UPP2: variants seen among roughly 807,000 people sequenced by gnomAD.
UPP2 encodes UPase 2.
A neutral mutation model predicts 26.7 loss-of-function variants in UPP2; 23 were observed. That is an observed-to-expected ratio of 0.86 (90% confidence interval 0.62 to 1.22). The LOEUF is 1.22. Among genes scored for constraint, UPP2 ranks in the 50% most tolerant of loss-of-function variants. The pLI, the probability that UPP2 is intolerant of heterozygous loss-of-function variation, is 0.00. For synonymous variants in UPP2, 127 were observed against 141.3 expected (o/e 0.90, Z 0.72); for missense variants, 387 against 396.7 (o/e 0.98, Z 0.21).
chr2:158,041,731 G>C (rs976496830), intron 3 of UPP2, among the ~76,000 whole-genome samples: 1 of 152,176 alleles, frequency 6.6e-6, no homozygotes, highest in African/African-American at 2.4e-5. Context: ...ATTAATTAGT[G>C]AATCTTTTTC....
At chr2:158,051,223 C>A (rs1284244954) in intron 3 of UPP2, among the ~76,000 whole-genome samples, 2 of 144,874 alleles carry the variant, frequency 1.4e-5, no homozygotes, top group African/African-American at 5.1e-5. Flanking sequence ...TCTTTCATTT[C>A]ATAACAACGC....
intron 3 of UPP2, among the ~76,000 whole-genome samples, chr2:158,034,424 A>G (rs144520237): frequency 4.6e-5 from 7 of 152,294 alleles, no homozygotes; most frequent in Non-Finnish European, 7.4e-5. Context: ...GAGAGAAGGA[A>G]ACCGTCCAGC....
intron 3 of UPP2, among the ~76,000 whole-genome samples, chr2:158,095,625 C>T (rs1330097691): frequency 6.6e-6 from 1 of 152,198 alleles, no homozygotes; most frequent in East Asian, 1.9e-4. Context: ...GATTTAACCT[C>T]TCTAGGCTTC....
chr2:158,006,320 T>C (rs775493457), intron 2 of UPP2, among the ~76,000 whole-genome samples: 6 of 151,882 alleles, frequency 4.0e-5, no homozygotes, highest in Non-Finnish European at 8.8e-5. Context: ...ATATAAAAAA[T>C]TAGCCGGGCG....
intron 3 of UPP2, among the ~76,000 whole-genome samples, chr2:158,089,820 C>T (rs115017752): frequency 0.014 from 2,097 of 152,246 alleles, 57 homozygotes; most frequent in African/African-American, 0.048. Flanking sequence ...CAGAATATCC[C>T]CCTTTCACAT....
chr2:158,113,143 T>G (rs2105220163), intron 2 of UPP2, among the ~76,000 whole-genome samples: 1 of 152,272 alleles, frequency 6.6e-6, no homozygotes, highest in South Asian at 2.1e-4. Flanking sequence ...TCTTTATGTC[T>G]CCAGAAATAT....
At chr2:158,038,734 C>T (rs753448963) in intron 3 of UPP2, among the ~76,000 whole-genome samples, 32 of 152,142 alleles carry the variant, frequency 2.1e-4, no homozygotes, top group Non-Finnish European at 4.0e-4. Flanking sequence ...TCCTGACCTC[C>T]CAAAAGACAT....
chr2:158,107,883 A>G (rs959632239), intron 2 of UPP2, among the ~76,000 whole-genome samples: 1 of 152,026 alleles, frequency 6.6e-6, no homozygotes, highest in Non-Finnish European at 1.5e-5. Flanking sequence ...TGTCTTCTCA[A>G]TGTAACCTCT....
At chr2:158,121,198 T>C (rs1183223218) in intron 4 of UPP2, among the ~76,000 whole-genome samples, 2 of 151,950 alleles carry the variant, frequency 1.3e-5, no homozygotes, top group African/African-American at 4.8e-5. Context: ...CTAAACCCCA[T>C]CACATTGTAA....
At chr2:158,082,960 C>T (rs894251665) in intron 3 of UPP2, among the ~76,000 whole-genome samples, 5 of 151,940 alleles carry the variant, frequency 3.3e-5, no homozygotes, top group African/African-American at 1.2e-4. Flanking sequence ...AAAGAAAGCT[C>T]ATCATCACTG....
chr2:158,069,393 T>C (rs552175698), intron 3 of UPP2, among the ~76,000 whole-genome samples: 1 of 152,224 alleles, frequency 6.6e-6, no homozygotes, highest in Non-Finnish European at 1.5e-5. Context: ...TGCTCTCTGA[T>C]TCCAGTGAGC....
At chr2:158,035,933 A>G (rs1683993428) in intron 3 of UPP2, among the ~76,000 whole-genome samples, 1 of 152,184 alleles carries the variant, frequency 6.6e-6, no homozygotes, top group Admixed American at 6.5e-5. Flanking sequence ...TTAAACATAC[A>G]TTAGTGTTTT....
At chr2:158,099,573 C>A (rs573808163), upstream of UPP2, among the ~76,000 whole-genome samples, 1 of 152,164 alleles carries the variant, frequency 6.6e-6, no homozygotes, top group African/African-American at 2.4e-5. Flanking sequence ...CCAATACAAC[C>A]TTTGCTGATA....
chr2:158,086,391 G>A (rs1011571977), intron 3 of UPP2, among the ~76,000 whole-genome samples: 2 of 151,804 alleles, frequency 1.3e-5, no homozygotes, highest in South Asian at 4.2e-4. Context: ...TTCTTTTCTT[G>A]TTTCATCTCA....
chr2:158,029,912 C>T (rs1352867675), intron 3 of UPP2, among the ~76,000 whole-genome samples: 1 of 151,754 alleles, frequency 6.6e-6, no homozygotes, highest in East Asian at 1.9e-4. Context: ...TTTTAGAAAG[C>T]AGGCATGGCA....
intron 3 of UPP2, among the ~76,000 whole-genome samples, chr2:158,029,245 G>A (rs568981226): frequency 6.6e-6 from 1 of 152,260 alleles, no homozygotes; most frequent in African/African-American, 2.4e-5. Flanking sequence ...ACTGTTCTAA[G>A]ATCAAAGCAG....
At chr2:158,044,274 G>T (rs1489682135) in intron 3 of UPP2, among the ~76,000 whole-genome samples, 3 of 152,174 alleles carry the variant, frequency 2.0e-5, no homozygotes, top group Non-Finnish European at 4.4e-5. Context: ...ATGTAGGCCT[G>T]CCTAGAGTAC....
intron 3 of UPP2, 62 bp downstream of exon 3, chr2:158,115,321 T>C: frequency 3.3e-6 from 5 of 1,505,292 alleles, no homozygotes; most frequent in Non-Finnish European, 4.4e-6. Flanking sequence ...GTGGGAACTT[T>C]TACATGTAGG....
chr2:158,060,616 C>G (rs1002748862), intron 3 of UPP2, among the ~76,000 whole-genome samples: 5 of 152,176 alleles, frequency 3.3e-5, no homozygotes, highest in African/African-American at 1.2e-4. Context: ...ATGGACTAAA[C>G]TGTGTTCCCT....
Sources: allele counts gnomAD v4.1 joint callset (sites outside exome capture counted in the v4.1 genomes callset), GRCh38; gene constraint gnomAD v4.1.1; transcripts MANE v1.5; gene names NCBI Gene and HGNC (gene_info 2026-07-23, HGNC 2026-07-21).